Variants in SEMA5B observed in about 807,000 individuals in gnomAD.
SEMA5B encodes the protein semaphorin-5B.
A neutral mutation model predicts 135.0 loss-of-function variants in SEMA5B; 66 were observed. The ratio of observed to expected loss-of-function variants is 0.49; its 90% confidence interval spans 0.40 to 0.60. The LOEUF is 0.60. Among genes scored for constraint, SEMA5B ranks in the 20% least tolerant of loss-of-function variants. The pLI, the probability that SEMA5B is intolerant of heterozygous loss-of-function variation, is 0.00. For synonymous variants in SEMA5B, 690 were observed against 639.5 expected (o/e 1.08, Z -1.19); for missense variants, 1,501 against 1,566.3 (o/e 0.96, Z 0.70).
In SEMA5B at chr3:122,909,406, C is replaced by A. The variant is rs1937600210; in HGVS notation, c.*737G>T. The A allele has an allele frequency of 6.5e-6, 1 of 152,720 alleles. No individual in the cohort carries two copies. The highest frequency in any genetic ancestry group is 1.5e-5 in the Non-Finnish European group (1 of 68,096). The allele number at this position is 152,720 out of a possible 1,614,324, so 9.5% of individuals were successfully genotyped here. On this transcript the variant is annotated 3_prime_UTR_variant, in exon 23 of 23. Coordinates refer to ENST00000357599, the MANE Select transcript of SEMA5B (RefSeq NM_001031702.4). ...TCTCCATAGAGGCACAGAGGCCAGA[C>A]TTCTGCCTCCTATGGCATTGATCCT...
rs1335935235 is a variant in SEMA5B, at chr3:122,966,554, A to ATTTTTTTTTTTTT, written c.-38-5254_-38-5253insAAAAAAAAAAAAA. ...AAGAATGTTTATTATTATTATTATT[A>ATTTTTTTTTTTTT]TTATTATTATTATTTTTTGAGACGG... On this transcript the variant is annotated intron_variant, in intron 1 of 22. Coordinates refer to ENST00000357599, the MANE Select transcript of SEMA5B (RefSeq NM_001031702.4). 2.2e-3 allele frequency among the ~76,000 whole-genome samples: 316 copies of ATTTTTTTTTTTTT among 146,958 alleles called. 2 individuals carry two copies. Among genetic ancestry groups the ATTTTTTTTTTTTT allele is most frequent in the African/African-American group, 7.6e-3 (290 of 38,286 alleles).
At chr3:122,954,755 C>A (rs180927664) in intron 2 of SEMA5B, among the ~76,000 whole-genome samples, 1 of 150,850 alleles carries the variant, frequency 6.6e-6, no homozygotes, top group African/African-American at 2.4e-5. Flanking sequence ...GCAGGGGAAA[C>A]TGGAACAGAA....
chr3:122,909,292 T>TGC lies in SEMA5B; in HGVS notation c.*850_*851insGC, dbSNP rs1256369263. On this transcript the variant is annotated 3_prime_UTR_variant, in exon 23 of 23. Coordinates refer to ENST00000357599, the MANE Select transcript of SEMA5B (RefSeq NM_001031702.4). ...GTGTGTGCGTGTGTGAGTGTGTGTG[T>TGC]GTGTGTGTTCCTGAACAGATGAAGG... 6.6e-5 allele frequency: 10 copies of TGC among 152,634 alleles called. No individual in the cohort carries two copies. Among genetic ancestry groups the TGC allele is most frequent in the African/African-American group, 2.4e-4 (10 of 41,422 alleles). The allele number at this position is 152,634 out of a possible 1,614,324, so 9.5% of individuals were successfully genotyped here.
In SEMA5B at chr3:122,913,216, C is replaced by A; in HGVS notation, c.2489G>T (p.Gly830Val). The change falls in exon 17 of 23, where the codon GGC (glycine) becomes GTC (valine). Residue 830 changes from glycine (G) to valine (V), a missense_variant. Physicochemically the swap from Gly to Val is moderately radical, Grantham distance 109 (BLOSUM62 -3). Transcript: ENST00000357599. ...ETRTCPADGS[G>V]SCDTDALVEV... is the part of the protein sequence containing the mutation. Reference sequence around the variant, plus strand: ...CGGGGTACCGTCGGTGTCGCAGGAGCCGGAGCCGTCCGCGGGACAGGTCCT... The same window carrying A: ...CGGGGTACCGTCGGTGTCGCAGGAGACGGAGCCGTCCGCGGGACAGGTCCT... 1 of 1,575,418 alleles carries A rather than the reference C, an allele frequency of 6.3e-7. No homozygotes were observed.
At position 122,968,222 on chromosome 3, in the gene SEMA5B, T is replaced by C. The variant is rs1576375952; in HGVS notation, c.-38-6921A>G. Among the ~76,000 whole-genome samples, 2 of 152,360 alleles carry C rather than the reference T, an allele frequency of 1.3e-5. 1 individual carries two copies. ...GTAAAAAGGGCCTTGGGAGGTGATG[T>C]AGCTACCTCCTTCACAGTTTAATTT... On this transcript the variant is annotated intron_variant, in intron 1 of 22. Coordinates refer to ENST00000357599, the MANE Select transcript of SEMA5B (RefSeq NM_001031702.4).
At chr3:123,015,926 C>T (rs1028757472) in intron 1 of SEMA5B, among the ~76,000 whole-genome samples, 1 of 152,206 alleles carries the variant, frequency 6.6e-6, no homozygotes, top group African/African-American at 2.4e-5. Context: ...GATGTCTGGG[C>T]CTCAAGACTG....
chr3:122,950,323 G>A (rs1939987505), intron 2 of SEMA5B, among the ~76,000 whole-genome samples: 1 of 152,214 alleles, frequency 6.6e-6, no homozygotes, highest in Non-Finnish European at 1.5e-5. Context: ...TACTACTGTA[G>A]GGGTTGGGGT....
chr3:122,946,280 G>A (rs1347758330), intron 3 of SEMA5B, among the ~76,000 whole-genome samples: 1 of 152,144 alleles, frequency 6.6e-6, no homozygotes, highest in Non-Finnish European at 1.5e-5. Flanking sequence ...CCCCTTAAGA[G>A]AAACCCACAG....
intron 20 of SEMA5B, 105 bp from the exon 21 acceptor site, chr3:122,911,640 G>C (rs1031877324): frequency 3.4e-6 from 4 of 1,171,154 alleles, no homozygotes; most frequent in East Asian, 4.8e-5. Context: ...ACGCTCAGAC[G>C]TAGGACTAGG....
Position 122,922,339 on chromosome 3 carries a change from C to G in SEMA5B, c.1381G>C (p.Glu461Gln), listed in dbSNP as rs1271000653. The change falls in exon 11 of 23, where the codon GAG becomes CAG. Residue 461 changes from glutamate to glutamine, a missense_variant. Transcript: ENST00000357599. ...MSEAVQPVTP[E>Q]PCVTQDSVRF... ...ACGCTGTCCTGGGTGACACAGGGCT[C>G]GGGTGTCACCGGCTGCACGGCCTCG... 3 of 1,613,608 alleles carry G rather than the reference C, an allele frequency of 1.9e-6. No homozygotes were observed. Among genetic ancestry groups the G allele is most frequent in the Non-Finnish European group, 2.5e-6 (3 of 1,179,860 alleles).
chr3:122,967,058 A>G (rs991281903), intron 1 of SEMA5B, among the ~76,000 whole-genome samples: 1 of 150,516 alleles, frequency 6.6e-6, no homozygotes, highest in Admixed American at 6.6e-5. Flanking sequence ...TTAATTTTGT[A>G]TTTTTAGTAG....
At chr3:123,022,893 C>T (rs887723530) in intron 1 of SEMA5B, among the ~76,000 whole-genome samples, 3 of 152,194 alleles carry the variant, frequency 2.0e-5, no homozygotes, top group Non-Finnish European at 2.9e-5. Flanking sequence ...CTTCTCCCTG[C>T]CATTTTCTAG....
chr3:122,961,348 G>C, intron 1 of SEMA5B, 47 bp from the exon 2 acceptor site: 1 of 1,563,876 alleles, frequency 6.4e-7, no homozygotes. Flanking sequence ...TGATGAACCA[G>C]GCAAAAGAGA....
At chr3:122,997,235 G>A (rs1351700018) in intron 1 of SEMA5B, among the ~76,000 whole-genome samples, 2 of 152,094 alleles carry the variant, frequency 1.3e-5, no homozygotes, top group Admixed American at 6.5e-5. Flanking sequence ...AGACTTTTCC[G>A]TGGCAAGGCA....
Position 122,928,989 on chromosome 3 carries a change from C to A in SEMA5B, c.537+7G>T. 1 of 1,612,068 alleles carries A rather than the reference C, an allele frequency of 6.2e-7. No homozygotes were observed. On this transcript the variant is annotated splice_region_variant and intron_variant, in intron 6 of 22. Transcript: ENST00000357599. ...GGTGGGGCCCCTGGACCGCCGAGAC[C>A]ACGTACCTCAGTCTTCCCTTTGCTT...
intron 12 of SEMA5B, 150 bp downstream of exon 12, chr3:122,921,765 A>G: frequency 1.7e-6 from 1 of 587,160 alleles, no homozygotes; most frequent in Non-Finnish European, 2.8e-6. Flanking sequence ...ACGAGGAGAG[A>G]ACCAAGGTTC....
chr3:122,987,961 A>G (rs982682766), intron 1 of SEMA5B, among the ~76,000 whole-genome samples: 41 of 152,238 alleles, frequency 2.7e-4, no homozygotes, highest in Middle Eastern at 6.8e-3. Context: ...AAGTTGGAAA[A>G]TGCTGAGACC....
intron 1 of SEMA5B, among the ~76,000 whole-genome samples, chr3:123,019,660 A>G (rs941490156): frequency 3.3e-5 from 5 of 151,710 alleles, no homozygotes; most frequent in Non-Finnish European, 2.9e-5. Context: ...AATGCACATA[A>G]AAAGTTTACC....
Position 122,934,186 on chromosome 3 carries a change from C to T in SEMA5B, c.475-5128G>A, listed in dbSNP as rs145382881. 2.9e-3 allele frequency among the ~76,000 whole-genome samples: 444 copies of T among 151,672 alleles called. 2 individuals carry two copies. The highest frequency in any genetic ancestry group is 8.9e-3 in the African/African-American group (367 of 41,456). On this transcript the variant is annotated intron_variant, in intron 5 of 22. Transcript: ENST00000357599. ...CCTCCCAAAGTGCTGGGATTACAGG[C>T]GTGAGCCACCGTGCCCGGCCCAAAA... is the stretch of plus-strand genomic sequence containing the variant.
Sources: allele counts gnomAD v4.1 joint callset (sites outside exome capture counted in the v4.1 genomes callset), GRCh38; gene constraint gnomAD v4.1.1; transcripts MANE v1.5; gene names NCBI Gene and HGNC (gene_info 2026-07-23, HGNC 2026-07-21).